Variants in ARHGAP24 observed in about 807,000 individuals in gnomAD.
ARHGAP24 encodes the protein Rho GTPase activating protein 24.
Under a neutral mutation model 76.4 loss-of-function variants are expected in ARHGAP24, and 50 were observed. The ratio of observed to expected loss-of-function variants is 0.65; its 90% CI spans 0.52 to 0.83. The LOEUF is 0.83. ARHGAP24 is among the 40% of genes least tolerant of loss of function. The pLI is 0.00. For synonymous variants in ARHGAP24, 345 were observed against 323.3 expected (o/e 1.07, Z -0.72); for missense variants, 930 against 914.2 (o/e 1.02, Z -0.22).
At chr4:85,957,736 CT>C (rs1738002604) in intron 5 of ARHGAP24, among the ~76,000 whole-genome samples, 1 of 152,132 alleles carries the variant, frequency 6.6e-6, no homozygotes, top group African/African-American at 2.4e-5. Flanking sequence ...TTCCATGAAA[CT>C]GCTTTATAAA....
intron 2 of ARHGAP24, among the ~76,000 whole-genome samples, chr4:85,707,187 G>T (rs1724346041): frequency 6.6e-6 from 1 of 152,106 alleles, no homozygotes; most frequent in Non-Finnish European, 1.5e-5. Context: ...TGATTGATAG[G>T]ATTACAGTCA....
At chr4:85,799,279 C>T (rs1728485127) in intron 3 of ARHGAP24, among the ~76,000 whole-genome samples, 1 of 151,722 alleles carries the variant, frequency 6.6e-6, no homozygotes, top group Non-Finnish European at 1.5e-5. Flanking sequence ...GAATCTGGGA[C>T]ACCTTGTGTA....
At chr4:85,626,295 G>A (rs1720951311) in intron 2 of ARHGAP24, among the ~76,000 whole-genome samples, 1 of 152,096 alleles carries the variant, frequency 6.6e-6, no homozygotes, top group South Asian at 2.1e-4. Flanking sequence ...GCATTTGCTT[G>A]TCTGTAAAGG....
At chr4:85,772,348 A>G (rs1036909161) in intron 3 of ARHGAP24, among the ~76,000 whole-genome samples, 1 of 152,230 alleles carries the variant, frequency 6.6e-6, no homozygotes, top group Non-Finnish European at 1.5e-5. Context: ...AGTAAGGTAT[A>G]GGGTCATCCA....
At chr4:85,583,501 C>T (rs921977745) in intron 2 of ARHGAP24, among the ~76,000 whole-genome samples, 1 of 151,980 alleles carries the variant, frequency 6.6e-6, no homozygotes, top group African/African-American at 2.4e-5. Context: ...AGAAGAAAAC[C>T]TAGGCATTAC....
chr4:85,879,734 TTAAATGTATTTAATTAAC>T (rs1397790330), intron 3 of ARHGAP24, among the ~76,000 whole-genome samples: 2 of 152,186 alleles, frequency 1.3e-5, no homozygotes, highest in African/African-American at 2.4e-5. Context: ...ATGTATTTAA[TTAAATGTATTTAATTAAC>T]TAAATGTATT....
chr4:85,924,365 T>A (rs1735901002), intron 4 of ARHGAP24, among the ~76,000 whole-genome samples: 1 of 151,948 alleles, frequency 6.6e-6, no homozygotes, highest in African/African-American at 2.4e-5. Flanking sequence ...GAAGAAAAGA[T>A]AAAAGATGTG....
intron 3 of ARHGAP24, among the ~76,000 whole-genome samples, chr4:85,791,851 G>T (rs534886810): frequency 6.6e-6 from 1 of 152,320 alleles, no homozygotes; most frequent in East Asian, 1.9e-4. Context: ...GTTTTGATAG[G>T]AAATGGGAAT....
intron 1 of ARHGAP24, among the ~76,000 whole-genome samples, chr4:85,480,847 G>A (rs1205907614): frequency 1.3e-5 from 2 of 152,036 alleles, no homozygotes; most frequent in Non-Finnish European, 2.9e-5. Context: ...ATTCCCTTAG[G>A]GATGTCGCTG....
intron 3 of ARHGAP24, among the ~76,000 whole-genome samples, chr4:85,837,780 C>T (rs1038661902): frequency 6.6e-6 from 1 of 152,110 alleles, no homozygotes; most frequent in African/African-American, 2.4e-5. Context: ...TGCCATGCTG[C>T]GGGCAATGTT....
intron 1 of ARHGAP24, among the ~76,000 whole-genome samples, chr4:85,527,226 A>G (rs542098263): frequency 1.8e-3 from 268 of 152,258 alleles, no homozygotes; most frequent in Non-Finnish European, 2.5e-3. Flanking sequence ...TTTAGAATAA[A>G]AAGTAATGTT....
At chr4:85,781,520 T>G (rs1043357186) in intron 3 of ARHGAP24, among the ~76,000 whole-genome samples, 1 of 151,340 alleles carries the variant, frequency 6.6e-6, no homozygotes, top group African/African-American at 2.4e-5. Context: ...TTAACTTTAT[T>G]TGGAATCACA....
At chr4:85,915,580 G>T (rs183256128) in intron 3 of ARHGAP24, among the ~76,000 whole-genome samples, 2 of 130,478 alleles carry the variant, frequency 1.5e-5, no homozygotes, top group South Asian at 5.0e-4. Context: ...AGCCCCCCAC[G>T]CCCCAATAAG....
intron 8 of ARHGAP24, chr4:85,992,259 A>C (rs1380592545): frequency 2.5e-6 from 1 of 395,418 alleles, no homozygotes; most frequent in African/African-American, 2.1e-5. Context: ...TGTCCTAAAC[A>C]ACTATAAAAA....
At chr4:85,514,660 G>C (rs939768354) in intron 1 of ARHGAP24, among the ~76,000 whole-genome samples, 1 of 151,560 alleles carries the variant, frequency 6.6e-6, no homozygotes, top group Non-Finnish European at 1.5e-5. Context: ...GGAGGGGAGG[G>C]GAGCCACCTT....
chr4:85,928,685 C>T (rs1400189251), intron 4 of ARHGAP24, among the ~76,000 whole-genome samples: 1 of 152,112 alleles, frequency 6.6e-6, no homozygotes, highest in East Asian at 1.9e-4. Context: ...TGGTCTCAAA[C>T]TCCTGACCTC....
chr4:85,573,128 C>G (rs1727207993), intron 2 of ARHGAP24, among the ~76,000 whole-genome samples: 1 of 152,144 alleles, frequency 6.6e-6, no homozygotes, highest in Non-Finnish European at 1.5e-5. Flanking sequence ...CCACCTGCCT[C>G]AGCCTCCCAA....
intron 2 of ARHGAP24, among the ~76,000 whole-genome samples, chr4:85,669,648 T>C (rs1215530755): frequency 6.0e-5 from 1 of 16,588 alleles, no homozygotes. Context: ...CTTTCAAATA[T>C]ATATATATAT....
intron 4 of ARHGAP24, chr4:85,930,814 A>G (rs1736286107): frequency 3.3e-6 from 5 of 1,526,908 alleles, no homozygotes; most frequent in Non-Finnish European, 4.4e-6. Context: ...TTCAAATTCT[A>G]GGGATCAGCA....
Sources: allele counts gnomAD v4.1 joint callset (sites outside exome capture counted in the v4.1 genomes callset), GRCh38; gene constraint gnomAD v4.1.1; transcripts MANE v1.5; gene names NCBI Gene and HGNC (gene_info 2026-07-23, HGNC 2026-07-21).